The following NEGR1 variants were observed in gnomAD, a reference collection of about 807,000 sequenced individuals.
NEGR1 encodes IgLON family member 4.
A neutral mutation model predicts 40.9 loss-of-function variants in NEGR1; 10 were observed. That is an observed-to-expected ratio of 0.24 (90% confidence interval 0.15 to 0.42). NEGR1 has a LOEUF of 0.42. Among genes scored for constraint, NEGR1 ranks in the 10% least tolerant of loss-of-function variants. NEGR1 has a pLI of 1.00. For missense variants in NEGR1, 352 were observed against 438.9 expected (o/e 0.80, Z 1.77); for synonymous variants, 185 against 166.8 (o/e 1.11, Z -0.84).
intron 1 of NEGR1, among the ~76,000 whole-genome samples, chr1:72,044,922 C>A (rs554796279): frequency 1.3e-5 from 2 of 151,676 alleles, no homozygotes; most frequent in Non-Finnish European, 2.9e-5. Flanking sequence ...AATACATATC[C>A]GAGGTCATGC....
chr1:71,605,910 C>T (rs948195050), intron 5 of NEGR1, among the ~76,000 whole-genome samples: 2 of 152,040 alleles, frequency 1.3e-5, no homozygotes, highest in Non-Finnish European at 2.9e-5. Flanking sequence ...AAACTAAAAG[C>T]CACATGACTA....
chr1:71,927,584 T>G (rs1645786625), intron 2 of NEGR1, among the ~76,000 whole-genome samples: 1 of 151,858 alleles, frequency 6.6e-6, no homozygotes. Context: ...TATTCTAAAT[T>G]GTTTAGATAT....
At chr1:71,583,890 C>A (rs1313114305) in intron 6 of NEGR1, among the ~76,000 whole-genome samples, 2 of 152,048 alleles carry the variant, frequency 1.3e-5, no homozygotes, top group African/African-American at 4.8e-5. Context: ...TGGATTGACT[C>A]AAAGAAAGGA....
At chr1:71,795,869 A>G (rs1479685940) in intron 2 of NEGR1, among the ~76,000 whole-genome samples, 1 of 152,118 alleles carries the variant, frequency 6.6e-6, no homozygotes, top group Non-Finnish European at 1.5e-5. Context: ...TTAGGAAGGG[A>G]GCAGTGTTTT....
chr1:71,743,613 T>G (rs929569223), intron 3 of NEGR1, among the ~76,000 whole-genome samples: 8 of 152,190 alleles, frequency 5.3e-5, no homozygotes, highest in Admixed American at 5.2e-4. Flanking sequence ...TTAAATGCTA[T>G]TGTTGTTCTC....
intron 4 of NEGR1, among the ~76,000 whole-genome samples, chr1:71,630,832 C>T (rs1650947912): frequency 6.6e-6 from 1 of 151,828 alleles, no homozygotes; most frequent in Non-Finnish European, 1.5e-5. Flanking sequence ...TGCTAAAACA[C>T]TAGGTAGAAC....
chr1:71,436,345 T>G (rs1163719290), intron 6 of NEGR1, among the ~76,000 whole-genome samples: 2 of 152,006 alleles, frequency 1.3e-5, no homozygotes, highest in Non-Finnish European at 2.9e-5. Context: ...TGGAGATGGG[T>G]GCTTCTGAAC....
chr1:71,908,786 A>G (rs910095685), intron 2 of NEGR1, among the ~76,000 whole-genome samples: 1 of 152,166 alleles, frequency 6.6e-6, no homozygotes, highest in African/African-American at 2.4e-5. Context: ...TTTTTTAGTA[A>G]TTCAGAGAAC....
chr1:71,872,308 A>G (rs919004888), intron 2 of NEGR1, among the ~76,000 whole-genome samples: 2 of 152,098 alleles, frequency 1.3e-5, no homozygotes, highest in African/African-American at 4.8e-5. Context: ...TCCAGTCTTT[A>G]GTTTTAGGTT....
chr1:72,240,667 C>T (rs1249271139), intron 1 of NEGR1, among the ~76,000 whole-genome samples: 1 of 151,826 alleles, frequency 6.6e-6, no homozygotes, highest in Non-Finnish European at 1.5e-5. Context: ...TTTTGAGATG[C>T]TCAAGTGTTT....
chr1:72,033,950 G>T (rs1388770680), intron 1 of NEGR1, among the ~76,000 whole-genome samples: 2 of 152,090 alleles, frequency 1.3e-5, no homozygotes, highest in African/African-American at 2.4e-5. Flanking sequence ...CCTGCCATGG[G>T]TTATTGCTTA....
chr1:71,479,589 A>G (rs1404866942), intron 6 of NEGR1, among the ~76,000 whole-genome samples: 1 of 151,998 alleles, frequency 6.6e-6, no homozygotes, highest in Non-Finnish European at 1.5e-5. Context: ...CTACATTGTG[A>G]TGGGCAATTA....
chr1:72,262,416 C>A (rs761922216), intron 1 of NEGR1, among the ~76,000 whole-genome samples: 1 of 151,946 alleles, frequency 6.6e-6, no homozygotes, highest in Non-Finnish European at 1.5e-5. Flanking sequence ...ACACAGGGTT[C>A]ATTACTTTTG....
At chr1:72,166,731 T>G (rs972596989) in intron 1 of NEGR1, among the ~76,000 whole-genome samples, 1 of 151,882 alleles carries the variant, frequency 6.6e-6, no homozygotes, top group Non-Finnish European at 1.5e-5. Context: ...AAGCAGAGAG[T>G]ATTATTATGG....
chr1:71,649,268 C>G lies in NEGR1; in HGVS notation c.668-38122G>C, dbSNP rs192947609. Among the ~76,000 whole-genome samples, 164 of 152,118 alleles carry G rather than the reference C, an allele frequency of 1.1e-3. 1 individual carries two copies. The highest frequency in any genetic ancestry group is 3.9e-3 in the African/African-American group (161 of 41,528). On this transcript the variant is annotated intron_variant, in intron 4 of 6. Transcript: ENST00000357731. ...AGAGTATAACTTTAAACCAGCATAGCCTTTTCAGAGGGACAATTTGGCAAC... is the reference window on the plus strand; with the variant it reads ...AGAGTATAACTTTAAACCAGCATAGGCTTTTCAGAGGGACAATTTGGCAAC...
chr1:71,982,229 C>G (rs1646360370), intron 1 of NEGR1, among the ~76,000 whole-genome samples: 1 of 152,124 alleles, frequency 6.6e-6, no homozygotes, highest in Non-Finnish European at 1.5e-5. Context: ...ATGGGCTTAT[C>G]TTGAACCTTA....
At chr1:72,062,332 T>C (rs1647192300) in intron 1 of NEGR1, among the ~76,000 whole-genome samples, 1 of 151,898 alleles carries the variant, frequency 6.6e-6, no homozygotes, top group Admixed American at 6.6e-5. Flanking sequence ...TAATCACTCC[T>C]CATTCTAAGA....
At chr1:71,886,457 G>GAA (rs1383394683) in intron 2 of NEGR1, among the ~76,000 whole-genome samples, 2 of 139,150 alleles carry the variant, frequency 1.4e-5, no homozygotes, top group Non-Finnish European at 3.2e-5. Context: ...GTTTATGGGG[G>GAA]AAAAAAAAAA....
At chr1:71,906,987 G>T (rs1477641911) in intron 2 of NEGR1, among the ~76,000 whole-genome samples, 1 of 152,056 alleles carries the variant, frequency 6.6e-6, no homozygotes, top group African/African-American at 2.4e-5. Context: ...CCAGCCAACT[G>T]GTTGACTCCA....
Sources: allele counts gnomAD v4.1 joint callset (sites outside exome capture counted in the v4.1 genomes callset), GRCh38; gene constraint gnomAD v4.1.1; transcripts MANE v1.5; gene names NCBI Gene and HGNC (gene_info 2026-07-23, HGNC 2026-07-21).